HPN: variants seen among roughly 807,000 people sequenced by gnomAD.
HPN encodes hepsin, also known as serine protease hepsin.
Under a neutral mutation model 55.9 loss-of-function variants are expected in HPN, and 13 were observed. The ratio of observed to expected loss-of-function variants is 0.23; its 90% CI spans 0.15 to 0.37. HPN has a LOEUF of 0.37. Ranked by LOEUF, HPN falls within the 10% of genes least tolerant of loss-of-function variation. The pLI is 1.00. For synonymous variants in HPN, 225 were observed against 240.3 expected (o/e 0.94, Z 0.59); for missense variants, 451 against 575.8 (o/e 0.78, Z 2.22).
intron 9 of HPN, among the ~76,000 whole-genome samples, chr19:35,064,972 C>T (rs2064586417): frequency 6.6e-6 from 1 of 152,106 alleles, no homozygotes; most frequent in Non-Finnish European, 1.5e-5. Context: ...CAGGTGCGTG[C>T]CACCATGCCC....
intron 4 of HPN, chr19:35,059,257 T>G: frequency 9.2e-6 from 3 of 325,684 alleles, no homozygotes; most frequent in South Asian, 2.4e-5. Flanking sequence ...AGCCTAGGAG[T>G]TCAAGACCAG....
chr19:35,048,779 G>A (rs1453129860), intron 2 of HPN, among the ~76,000 whole-genome samples: 1 of 152,090 alleles, frequency 6.6e-6, no homozygotes, highest in Non-Finnish European at 1.5e-5. Context: ...TTCAAGTGGA[G>A]GGGCAAATTT....
intron 4 of HPN, among the ~76,000 whole-genome samples, chr19:35,054,131 C>A (rs1280357140): frequency 6.6e-6 from 1 of 152,110 alleles, no homozygotes; most frequent in Non-Finnish European, 1.5e-5. Context: ...GAAGTGGTCA[C>A]TACTGGCTGG....
chr19:35,062,970 T>C (rs1228184144), intron 9 of HPN, among the ~76,000 whole-genome samples: 1 of 152,158 alleles, frequency 6.6e-6, no homozygotes, highest in East Asian at 1.9e-4. Flanking sequence ...TATTCGAGTA[T>C]AGCGAGTTCA....
intron 9 of HPN, 43 bp from the exon 10 acceptor site, chr19:35,065,207 G>A (rs1312687698): frequency 7.0e-7 from 1 of 1,426,700 alleles, no homozygotes; most frequent in East Asian, 2.3e-5. Context: ...GTACCAGGTG[G>A]GGCAGGCCAG....
chr19:35,043,752 C>T (rs1353545666), intron 2 of HPN, among the ~76,000 whole-genome samples: 1 of 152,256 alleles, frequency 6.6e-6, no homozygotes, highest in East Asian at 1.9e-4. Context: ...AGGTGGATGA[C>T]AGAATCCAGC....
chr19:35,053,611 GGCT>G (rs1182817222), intron 4 of HPN, among the ~76,000 whole-genome samples: 1 of 152,232 alleles, frequency 6.6e-6, no homozygotes, highest in African/African-American at 2.4e-5. Flanking sequence ...CGGGCGTGGT[GGCT>G]GGTGCCTGTA....
intron 4 of HPN, among the ~76,000 whole-genome samples, 173 bp downstream of exon 4, chr19:35,049,689 C>T (rs2064383352): frequency 6.6e-6 from 1 of 152,180 alleles, no homozygotes; most frequent in African/African-American, 2.4e-5. Context: ...TCTAAGCACC[C>T]CACATGTCTA....
intron 2 of HPN, among the ~76,000 whole-genome samples, chr19:35,045,655 G>C (rs553576527): frequency 1.3e-5 from 2 of 151,890 alleles, no homozygotes; most frequent in Non-Finnish European, 2.9e-5. Context: ...CGTGCCGCCT[G>C]TCCCAGTAGA....
intron 8 of HPN, 39 bp downstream of exon 8, chr19:35,060,551 A>G: frequency 1.9e-6 from 3 of 1,611,700 alleles, no homozygotes; most frequent in East Asian, 2.2e-5. Flanking sequence ...GGGGAGGCAG[A>G]GGAGCGGAGA....
At chr19:35,065,400 TG>T in intron 10 of HPN, 55 bp downstream of exon 10, 1 of 1,569,814 alleles carries the variant, frequency 6.4e-7, no homozygotes, top group African/African-American at 1.4e-5. Flanking sequence ...TGAACTAGGC[TG>T]GGGATGGGCA....
upstream of HPN, chr19:35,041,688 T>TACCCCCCCCCCCCCCCCCCC: frequency 1.6e-6 from 1 of 638,114 alleles, no homozygotes; most frequent in Non-Finnish European, 2.0e-6. Flanking sequence ...CCCCGCCCCT[T>TACCCCCCCCCCCCCCCCCCC]CACCCGCCCC....
chr19:35,059,949 G>T lies in HPN; in HGVS notation c.366G>T (p.Glu122Asp). 6.5e-7 allele frequency: 1 copy of T among 1,545,896 alleles called. No individual in the cohort carries two copies. The highest frequency in any genetic ancestry group is 8.7e-7 in the Non-Finnish European group (1 of 1,146,576). ...NGTSGFFCVD[E>D]GRLPHTQRLL... ...CGTCGGGCTTCTTCTGTGTGGACGA[G>T]GGGAGGCTGCCCCACACCCAGAGGC... The change falls in exon 6 of 13, where the codon GAG (glutamate) becomes GAT (aspartate). Residue 122 changes from glutamate to aspartate, a missense_variant. By Grantham distance (45) the Glu-to-Asp change is conservative (BLOSUM62 2). Transcript: ENST00000672452.
Position 35,049,857 on chromosome 19 carries a change from G to GTTTTTTTTTTTTTTTTTTTT in HPN, c.160+344_160+345insTTTTTTTTTTTTTTTTTTTT, listed in dbSNP as rs1245207536. On this transcript the variant is annotated intron_variant, in intron 4 of 12. Transcript: ENST00000672452. ...GTAAGTAAAGGTTATGCTAATTTTT[G>GTTTTTTTTTTTTTTTTTTTT]TTTGTTTTTTTTTTTTTTTGCATCC... Among the ~76,000 whole-genome samples, 3 of 82,710 alleles carry GTTTTTTTTTTTTTTTTTTTT rather than the reference G, an allele frequency of 3.6e-5. 1 individual carries two copies. Among genetic ancestry groups the GTTTTTTTTTTTTTTTTTTTT allele is most frequent in the African/African-American group, 4.5e-5 (1 of 22,056 alleles). 54.3% of individuals were successfully genotyped at this position (82,710 alleles called of 152,430 possible).
intron 9 of HPN, among the ~76,000 whole-genome samples, chr19:35,063,641 G>A (rs921273158): frequency 1.3e-5 from 2 of 152,202 alleles, no homozygotes; most frequent in African/African-American, 4.8e-5. Context: ...CCCAGGAGGT[G>A]GAGGTTGCAG....
Position 35,042,530 on chromosome 19 carries a change from C to T in HPN, c.16+8C>T, listed in dbSNP as rs1237065350. Reference sequence around the variant, plus strand: ...ACATGGCGCAGAAGGAGGGTGAGTCCCCTTCCCTGAGCCCCAGCTTTGGCT... The same window carrying T: ...ACATGGCGCAGAAGGAGGGTGAGTCTCCTTCCCTGAGCCCCAGCTTTGGCT... On this transcript the variant is annotated splice_region_variant and intron_variant, in intron 2 of 12. Coordinates refer to ENST00000672452, the MANE Select transcript of HPN (RefSeq NM_001384133.1). The T allele has an allele frequency of 1.9e-6, 3 of 1,607,012 alleles. No individual in the cohort carries two copies. The highest frequency in any genetic ancestry group is 1.7e-5 in the Admixed American group (1 of 59,260).
At chr19:35,041,116 C>T (rs936662721), upstream of HPN, among the ~76,000 whole-genome samples, 5 of 152,202 alleles carry the variant, frequency 3.3e-5, no homozygotes, top group Non-Finnish European at 7.3e-5. Context: ...CTGCCCTTAG[C>T]GCTGTGTTTT....
At chr19:35,062,089 AAAAG>A (rs2064541577) in intron 9 of HPN, among the ~76,000 whole-genome samples, 2 of 152,064 alleles carry the variant, frequency 1.3e-5, no homozygotes, top group Non-Finnish European at 2.9e-5. Context: ...AAAGAGAAAG[AAAAG>A]AAAGGAAGGA....
intron 4 of HPN, among the ~76,000 whole-genome samples, chr19:35,053,350 C>T (rs541698751): frequency 1.5e-4 from 23 of 152,316 alleles, no homozygotes; most frequent in Non-Finnish European, 2.9e-4. Context: ...CTTCCTGCCC[C>T]AGCTGGTGTT....
Sources: gnomAD v4.1 joint callset for allele counts (sites outside exome capture counted in the v4.1 genomes callset) on GRCh38, gnomAD v4.1.1 for gene constraint, MANE v1.5 for transcripts, NCBI Gene and HGNC (gene_info 2026-07-23, HGNC 2026-07-21) for gene names.